Variants in STAG1 observed in about 807,000 individuals in gnomAD.
STAG1 encodes the protein cohesin subunit SA-1.
In STAG1, 26 loss-of-function variants were observed where a neutral mutation model predicts 170.9. The observed-to-expected ratio is 0.15, with a 90% CI of 0.11 to 0.21. STAG1 has a LOEUF of 0.21. Ranked by LOEUF, STAG1 falls within the 10% of genes least tolerant of loss-of-function variation. STAG1 has a pLI of 1.00. For synonymous variants in STAG1, 514 were observed against 497.7 expected, an observed-to-expected ratio of 1.03 and a Z score of -0.44; for missense variants, 964 against 1,509.5, an observed-to-expected ratio of 0.64 and a Z score of 5.99.
At chr3:136,338,490 CATT>C in intron 32 of STAG1, 40 bp from the exon 33 acceptor site, 1 of 1,431,118 alleles carries the variant, frequency 7.0e-7, no homozygotes, top group Non-Finnish European at 9.9e-7. Context: ...TTTCTGAGAT[CATT>C]AAGACAATGA....
chr3:136,342,544 C>T (rs1350113814), intron 30 of STAG1, among the ~76,000 whole-genome samples: 50 of 152,028 alleles, frequency 3.3e-4, no homozygotes, highest in African/African-American at 1.2e-3. Context: ...TGCAGTGGCG[C>T]GATTTTGGCT....
intron 15 of STAG1, among the ~76,000 whole-genome samples, chr3:136,437,325 C>A (rs942671302): frequency 6.6e-6 from 1 of 152,168 alleles, no homozygotes; most frequent in African/African-American, 2.4e-5. Flanking sequence ...AACTCAAAAG[C>A]AGTTGAAATT....
intron 7 of STAG1, among the ~76,000 whole-genome samples, chr3:136,508,531 T>C (rs886872364): frequency 1.3e-5 from 2 of 151,986 alleles, no homozygotes; most frequent in Non-Finnish European, 2.9e-5. Context: ...CTACAAAAAA[T>C]TTAAAAATTA....
At position 136,341,433 on chromosome 3, in the gene STAG1, A is replaced by G; in HGVS notation, c.3557+8T>C. ...TTATGTTCTTGTGATACTCCATGTAACACTTACACAGCATGCCTCACTCCA... is the reference window on the plus strand; with the variant it reads ...TTATGTTCTTGTGATACTCCATGTAGCACTTACACAGCATGCCTCACTCCA... On this transcript the variant is annotated splice_region_variant and intron_variant, in intron 31 of 33. Coordinates refer to ENST00000383202, the MANE Select transcript of STAG1 (RefSeq NM_005862.3). 1 of 1,563,106 alleles carries G rather than the reference A, an allele frequency of 6.4e-7. No individual in the cohort carries two copies. Among genetic ancestry groups the G allele is most frequent in the Non-Finnish European group, 8.8e-7 (1 of 1,135,406 alleles).
intron 8 of STAG1, among the ~76,000 whole-genome samples, chr3:136,502,034 AGCCAGGAGTGGTG>A (rs1933505858): frequency 6.6e-6 from 1 of 152,056 alleles, no homozygotes; most frequent in African/African-American, 2.4e-5. Context: ...ATACAAAATT[AGCCAGGAGTGGTG>A]GCACATGCCT....
At chr3:136,627,550 C>T (rs370672939) in intron 2 of STAG1, among the ~76,000 whole-genome samples, 14 of 152,292 alleles carry the variant, frequency 9.2e-5, no homozygotes, top group African/African-American at 2.4e-4. Context: ...TCAATGAGCA[C>T]TTAGTTTGTC....
intron 21 of STAG1, among the ~76,000 whole-genome samples, chr3:136,412,594 C>T (rs1207384949): frequency 1.3e-5 from 2 of 152,124 alleles, no homozygotes; most frequent in Non-Finnish European, 2.9e-5. Context: ...TGATGTGATG[C>T]ATTGAGGACA....
intron 15 of STAG1, 80 bp from the exon 16 acceptor site, chr3:136,433,739 A>T: frequency 1.1e-6 from 1 of 927,586 alleles, no homozygotes. Flanking sequence ...ATTATTAAAA[A>T]AACTGAAAAC....
chr3:136,585,602 T>TAAG (rs1559892946), intron 4 of STAG1, among the ~76,000 whole-genome samples: 1 of 151,064 alleles, frequency 6.6e-6, no homozygotes, highest in Non-Finnish European at 1.5e-5. Flanking sequence ...AAAATAATAA[T>TAAG]AATAATAATA....
chr3:136,562,369 T>C (rs1270096554), intron 5 of STAG1, among the ~76,000 whole-genome samples: 1 of 151,882 alleles, frequency 6.6e-6, no homozygotes, highest in African/African-American at 2.4e-5. Context: ...CACGCGATTC[T>C]CCTGCCTCAG....
intron 16 of STAG1, among the ~76,000 whole-genome samples, chr3:136,424,315 T>C (rs1239740826): frequency 6.6e-6 from 1 of 151,442 alleles, no homozygotes; most frequent in Non-Finnish European, 1.5e-5. Context: ...ATGGCTATTT[T>C]TGATGGAACG....
At chr3:136,377,958 G>C (rs184552660) in intron 22 of STAG1, among the ~76,000 whole-genome samples, 75 of 152,256 alleles carry the variant, frequency 4.9e-4, no homozygotes, top group Non-Finnish European at 3.2e-4. Context: ...CTCTAAAACA[G>C]TTATAGTTAG....
At chr3:136,339,467 G>A (rs1935851357) in intron 32 of STAG1, among the ~76,000 whole-genome samples, 1 of 152,176 alleles carries the variant, frequency 6.6e-6, no homozygotes. Flanking sequence ...AGGTTGCAGT[G>A]AGCCGAGATT....
At position 136,337,037 on chromosome 3, in the gene STAG1, T is replaced by C. The variant is rs1935706765; in HGVS notation, c.*1217A>G. 1.3e-5 allele frequency: 2 copies of C among 152,570 alleles called. No individual in the cohort carries two copies. The highest frequency in any genetic ancestry group is 2.9e-5 in the Non-Finnish European group (2 of 68,042). The allele number at this position is 152,570 out of a possible 1,614,324, so 9.5% of individuals were successfully genotyped here. On this transcript the variant is annotated 3_prime_UTR_variant, in exon 34 of 34. Transcript: ENST00000383202. ...CTAGGCAGAATGTAACTCTAAACCA[T>C]TGTAGACTGTCCTGAAGATTCATAA...
chr3:136,435,391 A>T (rs1238769254), intron 15 of STAG1, among the ~76,000 whole-genome samples: 1 of 152,196 alleles, frequency 6.6e-6, no homozygotes, highest in Admixed American at 6.5e-5. Flanking sequence ...GAACTCAGGT[A>T]GTTTGACCCC....
Position 136,423,853 on chromosome 3 carries a change from CT to C in STAG1, c.1651-810del, listed in dbSNP as rs1202281018. Among the ~76,000 whole-genome samples the C allele has an allele frequency of 4.8e-3, 700 of 144,730 alleles. 2 individuals carry two copies. Among genetic ancestry groups the C allele is most frequent in the Non-Finnish European group, 7.0e-3 (460 of 65,468 alleles). 94.9% of individuals were successfully genotyped at this position (144,730 alleles called of 152,430 possible). On this transcript the variant is annotated intron_variant, in intron 16 of 33. Coordinates refer to ENST00000383202, the MANE Select transcript of STAG1 (RefSeq NM_005862.3). ...AGCACTGCCTATTTGATTGTTCAGT[CT>C]TTTTTTTTTTTATTTTTTTTTATTT...
At chr3:136,645,795 C>A (rs575405544) in intron 1 of STAG1, among the ~76,000 whole-genome samples, 1 of 152,222 alleles carries the variant, frequency 6.6e-6, no homozygotes, top group African/African-American at 2.4e-5. Context: ...ACATATATAC[C>A]ACCGTTTAAT....
At chr3:136,640,779 T>C (rs1303320548) in intron 1 of STAG1, among the ~76,000 whole-genome samples, 1 of 150,544 alleles carries the variant, frequency 6.6e-6, no homozygotes, top group East Asian at 2.0e-4. Context: ...TTCAAGCAAT[T>C]CTCCTGCCTC....
chr3:136,679,880 C>T (rs1032654072), intron 1 of STAG1, among the ~76,000 whole-genome samples: 1 of 151,606 alleles, frequency 6.6e-6, no homozygotes, highest in African/African-American at 2.4e-5. Flanking sequence ...CCAGCCTGAG[C>T]GACAGAGTGA....
Sources: allele counts gnomAD v4.1 joint callset (sites outside exome capture counted in the v4.1 genomes callset), GRCh38; gene constraint gnomAD v4.1.1; transcripts MANE v1.5; gene names NCBI Gene and HGNC (gene_info 2026-07-23, HGNC 2026-07-21).